The following ASXL1 variants were observed in gnomAD, a reference collection of about 807,000 sequenced individuals.
ASXL1 encodes the protein ASXL transcriptional regulator 1, also known as polycomb group protein ASXL1.
In ASXL1, 65 loss-of-function variants were observed where a neutral mutation model predicts 89.1. That is an observed-to-expected ratio of 0.73 (90% CI 0.60 to 0.90). The LOEUF (loss-of-function observed/expected upper bound fraction) is 0.90. Among genes scored for constraint, ASXL1 ranks in the 40% least tolerant of loss-of-function variants. The pLI is 0.00. For synonymous variants in ASXL1, 739 were observed against 746.9 expected (o/e 0.99, Z 0.17); for missense variants, 1,786 against 1,942.9 (o/e 0.92, Z 1.52).
chr20:32,363,643 G>C (rs1446437660), intron 1 of ASXL1, among the ~76,000 whole-genome samples: 1 of 152,184 alleles, frequency 6.6e-6, no homozygotes, highest in African/African-American at 2.4e-5. Context: ...GAAACAATGG[G>C]AACATTGAAA....
Position 32,429,107 on chromosome 20 carries a change from C to T in ASXL1, c.472-231C>T. On this transcript the variant is annotated intron_variant, in intron 6 of 12. Coordinates refer to ENST00000375687, the MANE Select transcript of ASXL1 (RefSeq NM_015338.6). The surrounding 1 kb of genome is among the most constrained non-coding windows in gnomAD (Gnocchi z 4.9). Reference sequence around the variant, plus strand: ...CTTGAGACTTGGGGAAAATTCCTTACCTGTAAAATGGGGATAACAGTACAT... The same window carrying T: ...CTTGAGACTTGGGGAAAATTCCTTATCTGTAAAATGGGGATAACAGTACAT... The T allele has an allele frequency of 1.8e-6, 1 of 540,804 alleles. No homozygotes were observed. The highest frequency in any genetic ancestry group is 1.9e-5 in the African/African-American group (1 of 52,688). 33.5% of individuals were successfully genotyped at this position (540,804 alleles called of 1,614,324 possible).
At position 32,436,794 on chromosome 20, in the gene ASXL1, A is replaced by G. The variant is rs1276856584; in HGVS notation, c.4082A>G (p.His1361Arg). 1.2e-6 allele frequency: 2 copies of G among 1,614,060 alleles called. No homozygotes were observed. Among genetic ancestry groups the G allele is most frequent in the African/African-American group, 1.3e-5 (1 of 74,936 alleles). The change falls in exon 13 of 13, where the codon CAT (histidine) becomes CGT (arginine). Residue 1361 changes from histidine to arginine, a missense_variant. His to Arg is a conservative substitution (Grantham distance 29, BLOSUM62 0). Around this residue, in one of 3 missense-constraint regions of ASXL1, gnomAD observed 1,418 missense variants for 1,427.8 expected, o/e 0.99. Coordinates refer to ENST00000375687, the MANE Select transcript of ASXL1 (RefSeq NM_015338.6). ...AGGGAAGACTGGGCTCCAAAGCCACATGCCTTTGTTGGCAGCGTCAAGAAT... is the reference window on the plus strand; with the variant it reads ...AGGGAAGACTGGGCTCCAAAGCCACGTGCCTTTGTTGGCAGCGTCAAGAAT... ...TPREDWAPKP[H>R]AFVGSVKNEK...
intron 4 of ASXL1, among the ~76,000 whole-genome samples, chr20:32,405,083 T>C (rs756046129): frequency 3.9e-5 from 6 of 152,304 alleles, no homozygotes; most frequent in South Asian, 4.1e-4. Context: ...CAAAGAACTT[T>C]ATTTTTTCCT....
At chr20:32,409,447 G>T (rs1028966345) in intron 4 of ASXL1, among the ~76,000 whole-genome samples, 1 of 151,912 alleles carries the variant, frequency 6.6e-6, no homozygotes, top group Non-Finnish European at 1.5e-5. Context: ...TTTTTTTCAT[G>T]TACTAAAGTG....
chr20:32,390,021 CCTTGA>C (rs756307396), intron 4 of ASXL1, among the ~76,000 whole-genome samples: 9 of 152,248 alleles, frequency 5.9e-5, no homozygotes, highest in Non-Finnish European at 8.8e-5. Flanking sequence ...TACAGATGGT[CCTTGA>C]CTTATGATGT....
intron 4 of ASXL1, among the ~76,000 whole-genome samples, chr20:32,395,196 G>C (rs2048741715): frequency 1.3e-5 from 2 of 150,822 alleles, no homozygotes; most frequent in Admixed American, 6.6e-5. Context: ...TGTAGTGTAG[G>C]TCTGCTGGTG....
intron 6 of ASXL1, chr20:32,428,656 T>C: frequency 7.4e-6 from 2 of 271,316 alleles, no homozygotes; most frequent in South Asian, 4.6e-5. Flanking sequence ...TTCATTCTTT[T>C]TTTTTTTTTT....
Position 32,435,253 on chromosome 20 carries a change from C to G in ASXL1, c.2541C>G (p.Ser847=), listed in dbSNP as rs1181485709. The change falls in exon 13 of 13, where the codon TCC becomes TCG. Residue 847 remains serine, a synonymous_variant. Coordinates refer to ENST00000375687, the MANE Select transcript of ASXL1 (RefSeq NM_015338.6). ...MKDPVNVTPS[S]TPESSPTDCL... is the part of the protein sequence containing the mutation. Reference sequence around the variant, plus strand: ...ATCCTGTAAATGTGACCCCCAGTTCCACACCTGAATCCTCACCGACTGATT... The same window carrying G: ...ATCCTGTAAATGTGACCCCCAGTTCGACACCTGAATCCTCACCGACTGATT... 1 of 1,614,060 alleles carries G rather than the reference C, an allele frequency of 6.2e-7. No homozygotes were observed. Among genetic ancestry groups the G allele is most frequent in the South Asian group, 1.1e-5 (1 of 91,080 alleles).
At chr20:32,414,549 T>TA (rs1039980046) in intron 4 of ASXL1, among the ~76,000 whole-genome samples, 4 of 151,946 alleles carry the variant, frequency 2.6e-5, no homozygotes, top group Non-Finnish European at 5.9e-5. Flanking sequence ...TATCTTATTT[T>TA]AAAAAAAGCA....
intron 4 of ASXL1, among the ~76,000 whole-genome samples, chr20:32,418,182 AAAT>A (rs1467089759): frequency 6.6e-6 from 1 of 151,992 alleles, no homozygotes; most frequent in South Asian, 2.1e-4. Context: ...TGTATCAAAA[AAAT>A]AATAATAATA....
intron 4 of ASXL1, among the ~76,000 whole-genome samples, chr20:32,386,749 CAT>C (rs1349221749): frequency 2.7e-5 from 4 of 150,378 alleles, no homozygotes; most frequent in Non-Finnish European, 4.4e-5. Flanking sequence ...AATCAAATGC[CAT>C]ATTGATTCCT....
chr20:32,433,839 C>CT lies in ASXL1; in HGVS notation c.1644dup (p.Arg549SerfsTer2), dbSNP rs745845768. ...AGCCCCGGCTTGAAGATCGTCAGTC[C>CT]TTTCGTAACACAATTGAAAGTGTTC... On this transcript the variant is annotated frameshift_variant, in exon 12 of 13. Transcript: ENST00000375687. LOFTEE classifies it high-confidence loss of function. 1.9e-6 allele frequency: 3 copies of CT among 1,613,952 alleles called. No homozygotes were observed. The highest frequency in any genetic ancestry group is 2.5e-6 in the Non-Finnish European group (3 of 1,180,054).
In ASXL1 at chr20:32,429,302, G is replaced by C; in HGVS notation, c.472-36G>C. The C allele has an allele frequency of 1.9e-6, 3 of 1,601,868 alleles. No individual in the cohort carries two copies. Among genetic ancestry groups the C allele is most frequent in the Non-Finnish European group, 2.6e-6 (3 of 1,170,110 alleles). The stretch of plus-strand genomic sequence containing the variant: ...GGAATGCTTTTGTGGCTCTGCAGTT[G>C]ACTTGGGCTCTCTTTTGTTCTCTCT... On this transcript the variant is annotated intron_variant, in intron 6 of 12. Transcript: ENST00000375687. This position sits in a 1 kb window ranked among gnomAD's most constrained non-coding sequence, Gnocchi z 4.9.
intron 4 of ASXL1, among the ~76,000 whole-genome samples, chr20:32,419,984 G>A (rs1164855955): frequency 6.6e-6 from 1 of 151,576 alleles, no homozygotes; most frequent in East Asian, 1.9e-4. Context: ...CCGGCTGATG[G>A]ATAAATTTTC....
intron 4 of ASXL1, among the ~76,000 whole-genome samples, chr20:32,412,758 T>C (rs1314712736): frequency 1.3e-5 from 2 of 151,042 alleles, no homozygotes; most frequent in Non-Finnish European, 2.9e-5. Flanking sequence ...GGGGTCTCAC[T>C]ATGTTGCCTA....
At chr20:32,378,629 A>G (rs1031112519) in intron 4 of ASXL1, among the ~76,000 whole-genome samples, 17 of 151,998 alleles carry the variant, frequency 1.1e-4, no homozygotes, top group African/African-American at 4.1e-4. Flanking sequence ...TAGGATTTGT[A>G]TTGTTTTTTT....
chr20:32,396,819 A>G (rs1600519842), intron 4 of ASXL1, among the ~76,000 whole-genome samples: 1 of 152,162 alleles, frequency 6.6e-6, no homozygotes, highest in Non-Finnish European at 1.5e-5. Flanking sequence ...TTGTTTATAC[A>G]TGAGGTCACA....
chr20:32,420,652 G>T lies in ASXL1; in HGVS notation c.253-7476G>T, dbSNP rs565371933. On this transcript the variant is annotated intron_variant, in intron 4 of 12. Coordinates refer to ENST00000375687, the MANE Select transcript of ASXL1 (RefSeq NM_015338.6). ...TACTCTTGCAAAAGTAGAATGAAAA[G>T]CTTTTGCAGCTTTCCTGTAAAATTG... is the stretch of plus-strand genomic sequence containing the variant. Among the ~76,000 whole-genome samples the T allele has an allele frequency of 2.0e-5, 3 of 152,246 alleles. No homozygotes were observed. The East Asian group carries it at 5.8e-4, about 29-fold the overall frequency.
chr20:32,360,085 CTG>C (rs1055873263), intron 1 of ASXL1: 20 of 455,544 alleles, frequency 4.4e-5, no homozygotes, highest in African/African-American at 3.4e-4. Context: ...AAAAAATAGA[CTG>C]TATTGGGGGG....
Sources: gnomAD v4.1 joint callset for allele counts (sites outside exome capture counted in the v4.1 genomes callset) on GRCh38, gnomAD v4.1.1 for gene constraint, gnomAD v4.1.1 regional missense constraint, Gnocchi (gnomAD v3.1) non-coding constraint, MANE v1.5 for transcripts, NCBI Gene and HGNC (gene_info 2026-07-23, HGNC 2026-07-21) for gene names.